NEMP2: variants seen among roughly 807,000 people sequenced by gnomAD.
NEMP2 encodes the protein UPF0571 transmembrane protein.
Under a neutral mutation model 54.2 loss-of-function variants are expected in NEMP2, and 53 were observed. The ratio of observed to expected loss-of-function variants is 0.98; its 90% confidence interval spans 0.78 to 1.23. The LOEUF (loss-of-function observed/expected upper bound fraction) is 1.23. NEMP2 is among the 50% of genes most tolerant of loss of function. NEMP2 has a pLI of 0.00. For missense variants in NEMP2, 455 were observed against 511.3 expected (o/e 0.89, Z 1.06); for synonymous variants, 197 against 190.3 (o/e 1.04, Z -0.29).
the NEMP2 span, among the ~76,000 whole-genome samples, chr2:190,620,912 G>A: frequency 6.6e-6 from 1 of 152,194 alleles, no homozygotes; most frequent in East Asian, 1.9e-4. This position sits in a 1 kb window ranked among gnomAD's most constrained non-coding sequence, Gnocchi z 4.9. Context: ...ATTCAGAAAG[G>A]TTGCAAGATA....
the NEMP2 span, among the ~76,000 whole-genome samples, chr2:190,640,733 T>G: frequency 6.7e-6 from 1 of 150,360 alleles, no homozygotes; most frequent in African/African-American, 2.4e-5. Context: ...TTGAGTAATT[T>G]GTTGTGGTAA....
the NEMP2 span, among the ~76,000 whole-genome samples, chr2:190,476,827 G>A: frequency 2.0e-5 from 3 of 152,158 alleles, no homozygotes; most frequent in African/African-American, 7.2e-5. Flanking sequence ...GTGATAGACT[G>A]GATTAAGAAA....
chr2:190,436,851 A>C, the NEMP2 span: 80 of 1,614,092 alleles, frequency 5.0e-5, no homozygotes, highest in Non-Finnish European at 6.7e-5. The surrounding 1 kb of genome is among the most constrained non-coding windows in gnomAD (Gnocchi z 5.3). Context: ...CTTCTGACCA[A>C]GTCATGCTTG....
downstream of NEMP2, among the ~76,000 whole-genome samples, chr2:190,503,298 A>G (rs1690096582): frequency 6.6e-6 from 1 of 152,246 alleles, no homozygotes. This position sits in a 1 kb window ranked among gnomAD's most constrained non-coding sequence, Gnocchi z 6.3. Context: ...ACACACCCAC[A>G]GCTCTGTACT....
At chr2:190,458,658 A>T in the NEMP2 span, among the ~76,000 whole-genome samples, 2 of 152,268 alleles carry the variant, frequency 1.3e-5, no homozygotes, top group East Asian at 3.9e-4. The surrounding 1 kb of genome is among the most constrained non-coding windows in gnomAD (Gnocchi z 5.3). Flanking sequence ...GAGATATGGA[A>T]CTTGCTGTCT....
the NEMP2 span, among the ~76,000 whole-genome samples, chr2:190,466,821 A>G: frequency 6.6e-6 from 1 of 152,232 alleles, no homozygotes; most frequent in Admixed American, 6.5e-5. Flanking sequence ...AGGGAAGGCT[A>G]TATCAAATTC....
At chr2:190,475,059 A>G in the NEMP2 span, among the ~76,000 whole-genome samples, 1 of 152,272 alleles carries the variant, frequency 6.6e-6, no homozygotes. Context: ...TTGATGGGAC[A>G]TATCTCAAAA....
the NEMP2 span, among the ~76,000 whole-genome samples, chr2:190,556,100 C>A: frequency 2.6e-5 from 4 of 152,202 alleles, no homozygotes. Flanking sequence ...CAACCCAAAT[C>A]CAGCAGCACA....
chr2:190,584,912 A>AAAGAAAG, the NEMP2 span, among the ~76,000 whole-genome samples: 1 of 69,854 alleles, frequency 1.4e-5, no homozygotes, highest in African/African-American at 4.1e-5. This position sits in a 1 kb window ranked among gnomAD's most constrained non-coding sequence, Gnocchi z 4.2. Context: ...AGAAAGAAAG[A>AAAGAAAG]AAGAAAGAAA....
chr2:190,448,282 T>A, the NEMP2 span, among the ~76,000 whole-genome samples: 1 of 152,218 alleles, frequency 6.6e-6, no homozygotes, highest in Non-Finnish European at 1.5e-5. Context: ...ATACTCCCTA[T>A]GGCCTAAAAA....
At chr2:190,516,237 A>G (rs1690550566) in intron 6 of NEMP2, 33 bp downstream of exon 6, 1 of 1,457,886 alleles carries the variant, frequency 6.9e-7, no homozygotes, top group African/African-American at 1.4e-5. Flanking sequence ...AGTTTTACCA[A>G]TCACAGAGCA....
the NEMP2 span, among the ~76,000 whole-genome samples, chr2:190,424,030 A>G: frequency 6.6e-6 from 1 of 152,202 alleles, no homozygotes; most frequent in Non-Finnish European, 1.5e-5. The surrounding 1 kb of genome is among the most constrained non-coding windows in gnomAD (Gnocchi z 5.9). Context: ...ATATTCTAGA[A>G]ACTAATCCTT....
chr2:190,647,377 C>T, the NEMP2 span, among the ~76,000 whole-genome samples: 14 of 152,160 alleles, frequency 9.2e-5, no homozygotes, highest in South Asian at 4.1e-4. Flanking sequence ...TCATCATCAT[C>T]CTATCCCTTG....
the NEMP2 span, among the ~76,000 whole-genome samples, chr2:190,580,038 T>A: frequency 6.6e-6 from 1 of 152,182 alleles, no homozygotes; most frequent in Non-Finnish European, 1.5e-5. The surrounding 1 kb of genome is among the most constrained non-coding windows in gnomAD (Gnocchi z 5.3). Flanking sequence ...TCATTCAGTC[T>A]AATGTACTTT....
At chr2:190,612,201 G>A in the NEMP2 span, among the ~76,000 whole-genome samples, 1 of 140,368 alleles carries the variant, frequency 7.1e-6, no homozygotes, top group Non-Finnish European at 1.5e-5. Context: ...TGTCACCCAG[G>A]CTGGAGTGCA....
At chr2:190,438,678 G>A in the NEMP2 span, among the ~76,000 whole-genome samples, 1 of 152,204 alleles carries the variant, frequency 6.6e-6, no homozygotes, top group Non-Finnish European at 1.5e-5. This position sits in a 1 kb window ranked among gnomAD's most constrained non-coding sequence, Gnocchi z 5.2. Flanking sequence ...AGTACGACAT[G>A]TCTGTTCCTA....
the NEMP2 span, among the ~76,000 whole-genome samples, chr2:190,593,174 C>T: frequency 6.6e-6 from 1 of 152,172 alleles, no homozygotes; most frequent in African/African-American, 2.4e-5. This position sits in a 1 kb window ranked among gnomAD's most constrained non-coding sequence, Gnocchi z 4.5. Context: ...GTAAAACTCC[C>T]GATCAGCCGC....
the NEMP2 span, among the ~76,000 whole-genome samples, chr2:190,565,928 G>A: frequency 3.6e-4 from 55 of 152,254 alleles, no homozygotes; most frequent in African/African-American, 1.2e-3. Flanking sequence ...ATTAATTTCT[G>A]TTGTTTAAGC....
At chr2:190,453,596 G>C in the NEMP2 span, among the ~76,000 whole-genome samples, 1 of 152,330 alleles carries the variant, frequency 6.6e-6, no homozygotes, top group South Asian at 2.1e-4. Flanking sequence ...CAAATTCAGT[G>C]CTTCTAACGT....
Sources: gnomAD v4.1 joint callset for allele counts (sites outside exome capture counted in the v4.1 genomes callset) on GRCh38, gnomAD v4.1.1 for gene constraint, Gnocchi (gnomAD v3.1) non-coding constraint, MANE v1.5 for transcripts, NCBI Gene and HGNC (gene_info 2026-07-23, HGNC 2026-07-21) for gene names.